Variants in TRNP1 observed in about 807,000 individuals in gnomAD.
The protein encoded by TRNP1 is TMF1 regulated nuclear protein 1.
Under a neutral mutation model 12.2 loss-of-function variants are expected in TRNP1, and 16 were observed. That is an observed-to-expected ratio of 1.31 (90% CI 0.89 to 1.99). The LOEUF is 1.99. Among genes scored for constraint, TRNP1 ranks in the 30% most tolerant of loss-of-function variants. TRNP1 has a pLI of 0.00. For synonymous variants in TRNP1, 139 were observed against 166.2 expected, an observed-to-expected ratio of 0.84 and a Z score of 1.26; for missense variants, 338 against 330.4, an observed-to-expected ratio of 1.02 and a Z score of -0.18.
chr1:26,998,115 G>T, intron 1 of TRNP1, among the ~76,000 whole-genome samples: 1 of 152,046 alleles, frequency 6.6e-6, no homozygotes, highest in East Asian at 1.9e-4. Context: ...CGGGTGCGGT[G>T]GCTCACACCT....
chr1:26,993,714 CT>C lies in TRNP1; in HGVS notation c.-72del. The C allele has an allele frequency of 8.1e-7, 1 of 1,235,906 alleles. No homozygotes were observed. The highest frequency in any genetic ancestry group is 3.3e-5 in the South Asian group (1 of 30,388). 76.6% of individuals were successfully genotyped at this position (1,235,906 alleles called of 1,614,324 possible). A position where few individuals can be genotyped will look rare whatever the true frequency, so the allele number is the denominator to read the frequency against. ...TCTGGGGTGGGGGCTGTGGCCGTGT[CT>C]AGCTGTTCGGGTGTGCTGTGGTCAT... On this transcript the variant is annotated 5_prime_UTR_variant, in exon 1 of 2. Transcript: ENST00000522111.
rs1357628418 is a variant in TRNP1 at position 26,994,384 on chromosome 1, G to C, written c.598G>C (p.Gly200Arg). 9.0e-7 allele frequency: 1 copy of C among 1,108,480 alleles called. No individual in the cohort carries two copies. The highest frequency in any genetic ancestry group is 5.1e-5 in the East Asian group (1 of 19,754). The allele number at this position is 1,108,480 out of a possible 1,614,324, so 68.7% of individuals were successfully genotyped here. The change falls in exon 1 of 2, where the codon GGG (glycine) becomes CGG (arginine). Residue 200 changes from glycine to arginine, a missense_variant. Physicochemically the swap from Gly to Arg is moderately radical, Grantham distance 125 (BLOSUM62 -2). Transcript: ENST00000522111. This position sits in a 1 kb window ranked among gnomAD's most constrained non-coding sequence, Gnocchi z 6.9. ...GGGCGGCTGCGTGCCCTGGGGTGCC[G>C]GGCGACTGCGGCGCGGCCACGGCCC... Reference protein sequence around the residue: ...GLGGCVPWGAGRLRRGHGPEP... With the variant: ...GLGGCVPWGARRLRRGHGPEP...
rs2082535896 is a variant in TRNP1 at position 26,994,561 on chromosome 1, G to C, written c.*91G>C. The C allele has an allele frequency of 1.0e-6, 1 of 965,254 alleles. No homozygotes were observed. Among genetic ancestry groups the C allele is most frequent in the Non-Finnish European group, 1.3e-6 (1 of 797,348 alleles). The allele number at this position is 965,254 out of a possible 1,614,324, so 59.8% of individuals were successfully genotyped here. ...GCGGACGCCGGCTGGAAGGACTACG[G>C]ATCCGCAGGAAGAGGCAGTTGGGGG... On this transcript the variant is annotated 3_prime_UTR_variant, in exon 1 of 2. Transcript: ENST00000522111. This position sits in a 1 kb window ranked among gnomAD's most constrained non-coding sequence, Gnocchi z 6.9.
In TRNP1 at chr1:26,995,867, T is replaced by C. The variant is rs139680051; in HGVS notation, c.*142+1255T>C. On this transcript the variant is annotated intron_variant, in intron 1 of 1. Transcript: ENST00000522111. The stretch of plus-strand genomic sequence containing the variant: ...CTGTTCTTGAACTCCCGACCTCCGG[T>C]GATCTGTCCGCTTCGGCCTCCCAAA... 1.2e-3 allele frequency among the ~76,000 whole-genome samples: 179 copies of C among 152,338 alleles called. 4 individuals carry two copies. The East Asian group carries it at 0.025, about 21-fold the overall frequency.
Position 26,994,475 on chromosome 1 carries a change from C to A in TRNP1, c.*5C>A. The A allele has an allele frequency of 8.5e-7, 1 of 1,177,972 alleles. No individual in the cohort carries two copies. Among genetic ancestry groups the A allele is most frequent in the South Asian group, 4.2e-5 (1 of 23,826 alleles). The allele number at this position is 1,177,972 out of a possible 1,614,324, so 73.0% of individuals were successfully genotyped here. A position where few individuals can be genotyped will look rare whatever the true frequency, so the allele number is the denominator to read the frequency against. On this transcript the variant is annotated 3_prime_UTR_variant, in exon 1 of 2. Transcript: ENST00000522111. This position sits in a 1 kb window ranked among gnomAD's most constrained non-coding sequence, Gnocchi z 6.9. ...CCCGCCTCCCCGCAGCGCTGACCTC[C>A]ACGCCCGGACCCCTGGCCACCCCGA...
In TRNP1 at chr1:26,993,765, G is replaced by T; in HGVS notation, c.-22G>T. 7.8e-7 allele frequency: 1 copy of T among 1,289,756 alleles called. No homozygotes were observed. The highest frequency in any genetic ancestry group is 2.4e-5 in the South Asian group (1 of 42,476). The allele number at this position is 1,289,756 out of a possible 1,614,324, so 79.9% of individuals were successfully genotyped here. The stretch of plus-strand genomic sequence containing the variant: ...TCCTCCCTGCGCACCTACAGCCGCA[G>T]ACCGCCGGTGGGGGGCGGGGGATGC... On this transcript the variant is annotated 5_prime_UTR_variant, in exon 1 of 2. Coordinates refer to ENST00000522111, the MANE Select transcript of TRNP1 (RefSeq NM_001013642.3).
Position 26,994,499 on chromosome 1 carries a change from G to C in TRNP1, c.*29G>C. 1 of 1,165,092 alleles carries C rather than the reference G, an allele frequency of 8.6e-7. No individual in the cohort carries two copies. 72.2% of individuals were successfully genotyped at this position (1,165,092 alleles called of 1,614,324 possible). ...CCACGCCCGGACCCCTGGCCACCCCGACAAGCTTCGCCGAGGTGCCGACCG... is the reference window on the plus strand; with the variant it reads ...CCACGCCCGGACCCCTGGCCACCCCCACAAGCTTCGCCGAGGTGCCGACCG... On this transcript the variant is annotated 3_prime_UTR_variant, in exon 1 of 2. Transcript: ENST00000522111. This position sits in a 1 kb window ranked among gnomAD's most constrained non-coding sequence, Gnocchi z 6.9.
At chr1:26,997,878 ATTG>A (rs2082553029) in intron 1 of TRNP1, among the ~76,000 whole-genome samples, 1 of 151,920 alleles carries the variant, frequency 6.6e-6, no homozygotes, top group South Asian at 2.1e-4. Context: ...TCAGTCCTTT[ATTG>A]TTCCTGCCCC....
At chr1:26,997,259 C>T (rs1462257484) in intron 1 of TRNP1, among the ~76,000 whole-genome samples, 3 of 130,028 alleles carry the variant, frequency 2.3e-5, no homozygotes, top group Middle Eastern at 5.2e-3. Flanking sequence ...TGCTTGAACT[C>T]GGGAGGTGGA....
Position 26,994,208 on chromosome 1 carries a change from T to C in TRNP1, c.422T>C (p.Leu141Pro). The change falls in exon 1 of 2, where the codon CTG becomes CCG. Residue 141 changes from leucine (L) to proline (P), a missense_variant. Physicochemically the swap from Leu to Pro is moderately conservative, Grantham distance 98. Coordinates refer to ENST00000522111, the MANE Select transcript of TRNP1 (RefSeq NM_001013642.3). The surrounding 1 kb of genome is among the most constrained non-coding windows in gnomAD (Gnocchi z 6.9). The stretch of plus-strand genomic sequence containing the variant: ...GTTTTCTTGGCGGCCGAGCTGCGCC[T>C]GGCGCACCGCGCGGAGAGCCTGAGC... ...HRVFLAAELR[L>P]AHRAESLSRL... The C allele has an allele frequency of 7.8e-7, 1 of 1,284,978 alleles. No homozygotes were observed. The highest frequency in any genetic ancestry group is 3.4e-5 in the Admixed American group (1 of 28,998). 79.6% of individuals were successfully genotyped at this position (1,284,978 alleles called of 1,614,324 possible).
chr1:26,994,553 G>A lies in TRNP1; in HGVS notation c.*83G>A. ...GACTGATCGCGGACGCCGGCTGGAA[G>A]GACTACGGATCCGCAGGAAGAGGCA... On this transcript the variant is annotated 3_prime_UTR_variant, in exon 1 of 2. Transcript: ENST00000522111. The surrounding 1 kb of genome is among the most constrained non-coding windows in gnomAD (Gnocchi z 6.9). 9 of 1,001,272 alleles carry A rather than the reference G, an allele frequency of 9.0e-6. No homozygotes were observed. The highest frequency in any genetic ancestry group is 3.5e-5 in the African/African-American group (2 of 57,794). 62.0% of individuals were successfully genotyped at this position (1,001,272 alleles called of 1,614,324 possible).
Position 26,994,183 on chromosome 1 carries a change from G to C in TRNP1, c.397G>C (p.Val133Leu). ...GAGCCGCGTGCTGCAGCTGCACCGC[G>C]TTTTCTTGGCGGCCGAGCTGCGCCT... ...LESRVLQLHR[V>L]FLAAELRLAH... The change falls in exon 1 of 2, where the codon GTT becomes CTT. Residue 133 changes from valine (V) to leucine (L), a missense_variant. Val to Leu is a conservative substitution (Grantham distance 32). Transcript: ENST00000522111. The surrounding 1 kb of genome is among the most constrained non-coding windows in gnomAD (Gnocchi z 6.9). 1 of 1,299,740 alleles carries C rather than the reference G, an allele frequency of 7.7e-7. No homozygotes were observed. The highest frequency in any genetic ancestry group is 2.0e-5 in the South Asian group (1 of 49,254). The allele number at this position is 1,299,740 out of a possible 1,614,324, so 80.5% of individuals were successfully genotyped here.
At position 26,993,723 on chromosome 1, in the gene TRNP1, C is replaced by T. The variant is rs957405065; in HGVS notation, c.-64C>T. 33 of 1,235,470 alleles carry T rather than the reference C, an allele frequency of 2.7e-5. No individual in the cohort carries two copies. Among genetic ancestry groups the T allele is most frequent in the South Asian group, 1.3e-4 (4 of 31,738 alleles). 76.5% of individuals were successfully genotyped at this position (1,235,470 alleles called of 1,614,324 possible). On this transcript the variant is annotated 5_prime_UTR_variant, in exon 1 of 2. Coordinates refer to ENST00000522111, the MANE Select transcript of TRNP1 (RefSeq NM_001013642.3). ...GGGGCTGTGGCCGTGTCTAGCTGTT[C>T]GGGTGTGCTGTGGTCATCCTCCCTG...
intron 1 of TRNP1, among the ~76,000 whole-genome samples, chr1:26,999,480 C>T (rs571594042): frequency 6.6e-6 from 1 of 152,332 alleles, no homozygotes; most frequent in African/African-American, 2.4e-5. Flanking sequence ...ATTTGCCCAG[C>T]CCTGGAGAGG....
Position 26,994,877 on chromosome 1 carries a change from C to T in TRNP1, c.*142+265C>T, listed in dbSNP as rs1204183322. 1.3e-5 allele frequency among the ~76,000 whole-genome samples: 2 copies of T among 152,328 alleles called. No individual in the cohort carries two copies. The highest frequency in any genetic ancestry group is 4.8e-5 in the African/African-American group (2 of 41,576). The stretch of plus-strand genomic sequence containing the variant: ...CTTTTACCACTTGGAACCTGCCGCA[C>T]GGATGCAGCACCCCCCATCCTCACC... On this transcript the variant is annotated intron_variant, in intron 1 of 1. Transcript: ENST00000522111. This position sits in a 1 kb window ranked among gnomAD's most constrained non-coding sequence, Gnocchi z 6.9.
At position 26,994,917 on chromosome 1, in the gene TRNP1, C is replaced by T. The variant is rs1165352619; in HGVS notation, c.*142+305C>T. Among the ~76,000 whole-genome samples, 1 of 152,210 alleles carries T rather than the reference C, an allele frequency of 6.6e-6. No homozygotes were observed. The highest frequency in any genetic ancestry group is 1.9e-4 in the East Asian group (1 of 5,178). On this transcript the variant is annotated intron_variant, in intron 1 of 1. Transcript: ENST00000522111. The surrounding 1 kb of genome is among the most constrained non-coding windows in gnomAD (Gnocchi z 6.9). ...CCATCCTCACCCCCACTTGCGTGGC[C>T]TTTCCCGGGCCCCTCGGAGCTGTGA...
chr1:26,994,280 A>G lies in TRNP1; in HGVS notation c.494A>G (p.His165Arg). ...VAQAELYLAA[H>R]GSRLKKGPRR... ...CAGGCCGAGCTCTACCTGGCGGCTC[A>G]CGGGTCGCGCCTCAAGAAGGGCCCG... The change falls in exon 1 of 2, where the codon CAC becomes CGC. Residue 165 changes from histidine to arginine, a missense_variant. Transcript: ENST00000522111. The surrounding 1 kb of genome is among the most constrained non-coding windows in gnomAD (Gnocchi z 6.9). 1 of 1,175,674 alleles carries G rather than the reference A, an allele frequency of 8.5e-7. No individual in the cohort carries two copies. The highest frequency in any genetic ancestry group is 1.1e-6 in the Non-Finnish European group (1 of 951,358). 72.8% of individuals were successfully genotyped at this position (1,175,674 alleles called of 1,614,324 possible).
In TRNP1 at chr1:26,993,981, C is replaced by A. The variant is rs1218330823; in HGVS notation, c.195C>A (p.Ala65=). The stretch of plus-strand genomic sequence containing the variant: ...CAGCTGGGGCTTCAGCAGGCGCGGC[C>A]GAGGACCAGGAGCTGCAGCGCTGGC... ...PDAAGASAGA[A]EDQELQRWRQ... Residue 65 remains alanine, a synonymous_variant, in exon 1 of 2, where the codon GCC becomes GCA. Coordinates refer to ENST00000522111, the MANE Select transcript of TRNP1 (RefSeq NM_001013642.3). The A allele has an allele frequency of 7.6e-7, 1 of 1,314,174 alleles. No individual in the cohort carries two copies. Among genetic ancestry groups the A allele is most frequent in the Non-Finnish European group, 9.7e-7 (1 of 1,034,690 alleles). The allele number at this position is 1,314,174 out of a possible 1,614,324, so 81.4% of individuals were successfully genotyped here. A position where few individuals can be genotyped will look rare whatever the true frequency, so the allele number is the denominator to read the frequency against.
At position 26,993,700 on chromosome 1, in the gene TRNP1, G is replaced by T. The variant is rs1381882796; in HGVS notation, c.-87G>T. 1 of 1,236,132 alleles carries T rather than the reference G, an allele frequency of 8.1e-7. No individual in the cohort carries two copies. Among genetic ancestry groups the T allele is most frequent in the Non-Finnish European group, 1.0e-6 (1 of 990,160 alleles). 76.6% of individuals were successfully genotyped at this position (1,236,132 alleles called of 1,614,324 possible). On this transcript the variant is annotated 5_prime_UTR_variant, in exon 1 of 2. Transcript: ENST00000522111. Reference sequence around the variant, plus strand: ...ACGGCGGGCGCGCCTCTGGGGTGGGGGCTGTGGCCGTGTCTAGCTGTTCGG... The same window carrying T: ...ACGGCGGGCGCGCCTCTGGGGTGGGTGCTGTGGCCGTGTCTAGCTGTTCGG...
Sources: allele counts gnomAD v4.1 joint callset (sites outside exome capture counted in the v4.1 genomes callset), GRCh38; gene constraint gnomAD v4.1.1; non-coding constraint Gnocchi (gnomAD v3.1); transcripts MANE v1.5; gene names NCBI Gene and HGNC (gene_info 2026-07-23, HGNC 2026-07-21).